The following AOPEP variants were observed in gnomAD, a reference collection of about 807,000 sequenced individuals.
AOPEP encodes aminopeptidase O.
Under a neutral mutation model 98.1 loss-of-function variants are expected in AOPEP, and 77 were observed. The ratio of observed to expected loss-of-function variants is 0.78; its 90% CI spans 0.65 to 0.95. The LOEUF is 0.95. Among genes scored for constraint, AOPEP ranks in the 40% least tolerant of loss-of-function variants. AOPEP has a pLI of 0.00. For missense variants in AOPEP, 1,024 were observed against 1,024.7 expected (o/e 1.00, Z 0.01); for synonymous variants, 346 against 365.3 (o/e 0.95, Z 0.60).
chr9:94,994,636 T>C (rs908779704), intron 11 of AOPEP, among the ~76,000 whole-genome samples: 1 of 152,208 alleles, frequency 6.6e-6, no homozygotes, highest in Non-Finnish European at 1.5e-5. Flanking sequence ...CATGGTGGTA[T>C]CTTCAGAGAG....
At chr9:95,099,179 T>C in the AOPEP span, 2 of 216,912 alleles carry the variant, frequency 9.2e-6, no homozygotes, top group Non-Finnish European at 1.9e-5. Flanking sequence ...GGAGGGGCGC[T>C]CTCCGCCTCT....
chr9:94,920,694 C>T (rs2053489231), intron 5 of AOPEP, among the ~76,000 whole-genome samples: 1 of 152,232 alleles, frequency 6.6e-6, no homozygotes, highest in Non-Finnish European at 1.5e-5. Context: ...CCTTCCTCCT[C>T]TGCTAGAAAC....
At chr9:95,105,950 TC>T in the AOPEP span, among the ~76,000 whole-genome samples, 1 of 152,228 alleles carries the variant, frequency 6.6e-6, no homozygotes, top group Non-Finnish European at 1.5e-5. Flanking sequence ...CAGATGGCCC[TC>T]CAGCCCCTGC....
intron 16 of AOPEP, chr9:95,085,313 C>T (rs2134311832): frequency 2.1e-6 from 1 of 482,744 alleles, no homozygotes; most frequent in East Asian, 6.3e-5. Context: ...GCTGCTCCTC[C>T]AGAAACCGTG....
intron 1 of AOPEP, among the ~76,000 whole-genome samples, chr9:94,733,356 C>T (rs1272258756): frequency 6.6e-6 from 1 of 152,130 alleles, no homozygotes; most frequent in Non-Finnish European, 1.5e-5. Context: ...GATCCACCTG[C>T]CTTGACCTTC....
chr9:94,916,711 T>TAAA (rs1258413400), intron 5 of AOPEP, among the ~76,000 whole-genome samples: 76 of 137,114 alleles, frequency 5.5e-4, no homozygotes, highest in African/African-American at 2.0e-3. Flanking sequence ...AAAAAAAAAT[T>TAAA]AAATAAATAA....
At chr9:94,979,486 G>A in intron 11 of AOPEP, 59 bp downstream of exon 11, 8 of 1,037,490 alleles carry the variant, frequency 7.7e-6, no homozygotes, top group Non-Finnish European at 1.0e-5. Flanking sequence ...TTGCTGCTTA[G>A]CACATCAATC....
At chr9:95,119,837 G>A in the AOPEP span, among the ~76,000 whole-genome samples, 2 of 152,074 alleles carry the variant, frequency 1.3e-5, no homozygotes, top group Non-Finnish European at 2.9e-5. Flanking sequence ...TCAGCCTCCC[G>A]AGTAGCTAGG....
rs1025855957 is a variant in AOPEP at position 95,059,649 on chromosome 9, A to G, written c.2116-1045A>G. 6.6e-5 allele frequency among the ~76,000 whole-genome samples: 10 copies of G among 152,262 alleles called. No homozygotes were observed. The South Asian group carries it at 2.1e-3, about 32-fold the overall frequency. On this transcript the variant is annotated intron_variant, in intron 13 of 16. Transcript: ENST00000375315. ...TTTAAAAATTGTTTTAGAACACCAG[A>G]AAGTGGCAGTTAAAATCCAGGTGTT...
At chr9:95,041,672 G>T (rs904453240) in intron 13 of AOPEP, among the ~76,000 whole-genome samples, 2 of 152,114 alleles carry the variant, frequency 1.3e-5, no homozygotes, top group Admixed American at 1.3e-4. Context: ...AGGTGGTGGG[G>T]TTATGTTACT....
chr9:94,994,985 T>C (rs1161841107), intron 11 of AOPEP, among the ~76,000 whole-genome samples: 1 of 152,172 alleles, frequency 6.6e-6, no homozygotes, highest in African/African-American at 2.4e-5. Flanking sequence ...AATTTCACTT[T>C]GTGATATTCT....
intron 7 of AOPEP, among the ~76,000 whole-genome samples, chr9:94,946,065 A>G (rs946772337): frequency 1.3e-5 from 2 of 152,178 alleles, no homozygotes; most frequent in African/African-American, 4.8e-5. Flanking sequence ...TGAAAAGTAC[A>G]GTCAAGGCCT....
downstream of AOPEP, among the ~76,000 whole-genome samples, chr9:95,090,723 G>T (rs2070855820): frequency 6.6e-6 from 1 of 152,204 alleles, no homozygotes; most frequent in South Asian, 2.1e-4. Context: ...TAAGGGCAGG[G>T]AATTCTGGCT....
At chr9:94,991,291 A>C (rs1186696948) in intron 11 of AOPEP, among the ~76,000 whole-genome samples, 1 of 152,224 alleles carries the variant, frequency 6.6e-6, no homozygotes, top group African/African-American at 2.4e-5. Context: ...TACATTTAAT[A>C]CCTGCATGGT....
chr9:94,931,625 G>C, intron 7 of AOPEP: 1 of 830,756 alleles, frequency 1.2e-6, no homozygotes, highest in Non-Finnish European at 2.0e-6. Context: ...AAAACAATCA[G>C]ATGCTATCTT....
chr9:94,756,119 G>A (rs966636919), intron 1 of AOPEP, among the ~76,000 whole-genome samples: 2 of 152,084 alleles, frequency 1.3e-5, no homozygotes, highest in Admixed American at 6.5e-5. Flanking sequence ...AATTAGCCGG[G>A]TGTGGTGGCG....
chr9:94,954,108 A>C lies in AOPEP; in HGVS notation c.1662-1069A>C, dbSNP rs145981916. 9.9e-5 allele frequency among the ~76,000 whole-genome samples: 15 copies of C among 152,264 alleles called. No homozygotes were observed. In the East Asian group the frequency reaches 2.9e-3, roughly 29 times the overall value. On this transcript the variant is annotated intron_variant, in intron 7 of 16. Coordinates refer to ENST00000375315, the MANE Select transcript of AOPEP (RefSeq NM_001193329.3). ...GAGGCTGAGGTGGACGGATGGCTTG[A>C]GCTCAGGAGTTCGAGACCAGCCTGG...
intron 1 of AOPEP, among the ~76,000 whole-genome samples, chr9:94,752,441 A>G (rs927237883): frequency 6.6e-6 from 1 of 152,150 alleles, no homozygotes; most frequent in African/African-American, 2.4e-5. Context: ...AATGCATGCT[A>G]ATAACAAAAT....
rs370051951 is a variant in AOPEP, at chr9:94,916,652, G to A, written c.1365-7334G>A. ...CCGGGAGGTGGAGGTTGCAGTAAGC[G>A]CCAGTGCACTCCAGCCTGGGCAACA... On this transcript the variant is annotated intron_variant, in intron 5 of 16. Coordinates refer to ENST00000375315, the MANE Select transcript of AOPEP (RefSeq NM_001193329.3). 1.5e-4 allele frequency among the ~76,000 whole-genome samples: 23 copies of A among 149,456 alleles called. No individual in the cohort carries two copies. In the East Asian group the frequency reaches 1.6e-3, roughly 10 times the overall value.
Sources: gnomAD v4.1 joint callset for allele counts (sites outside exome capture counted in the v4.1 genomes callset) on GRCh38, gnomAD v4.1.1 for gene constraint, MANE v1.5 for transcripts, NCBI Gene and HGNC (gene_info 2026-07-23, HGNC 2026-07-21) for gene names.